Variants in BRF1 observed in about 807,000 individuals in gnomAD.
BRF1 encodes transcription factor IIIB 90 kDa subunit.
BRF1 carries 59 observed loss-of-function variants against 81.7 expected under a neutral mutation model. That is an observed-to-expected ratio of 0.72 (90% CI 0.59 to 0.90). The LOEUF (loss-of-function observed/expected upper bound fraction) is 0.90, where lower values mean the gene tolerates loss of function less well. Among genes scored for constraint, BRF1 ranks in the 40% least tolerant of loss-of-function variants. BRF1 has a pLI of 0.00. For synonymous variants in BRF1, 491 were observed against 395.6 expected, an observed-to-expected ratio of 1.24 and a Z score of -2.86; for missense variants, 1,050 against 936.3, an observed-to-expected ratio of 1.12 and a Z score of -1.58.
Position 105,221,641 on chromosome 14 carries a change from A to T in BRF1, c.1315+7T>A, listed in dbSNP as rs776656793. The T allele has an allele frequency of 1.8e-4, 287 of 1,607,870 alleles. 12 individuals are homozygous for T. The South Asian group carries it at 3.1e-3, about 18-fold the overall frequency. On this transcript the variant is annotated splice_region_variant and intron_variant, in intron 11 of 17. Transcript: ENST00000547530. ...TCAGCGTCCCCCAGGGCCCCATCAG[A>T]ACTCACTGGGGTCGCTGCTCTGAGA...
At chr14:105,266,080 C>A (rs924496788) in intron 3 of BRF1, among the ~76,000 whole-genome samples, 8 of 151,476 alleles carry the variant, frequency 5.3e-5, no homozygotes, top group African/African-American at 1.9e-4. Context: ...CAAAAAAAAA[C>A]AAAACAAACA....
chr14:105,292,748 C>A (rs958639639), intron 1 of BRF1, among the ~76,000 whole-genome samples: 2 of 152,150 alleles, frequency 1.3e-5, no homozygotes, highest in South Asian at 4.1e-4. Flanking sequence ...GGGCCAAGCA[C>A]GGCAGCCCAC....
chr14:105,246,786 G>A (rs1384772247), intron 5 of BRF1: 1 of 981,884 alleles, frequency 1.0e-6, no homozygotes, highest in Non-Finnish European at 1.2e-6. Context: ...AAATCAAAGT[G>A]CAAAGGGTGG....
At chr14:105,247,735 T>TAC (rs928720607) in intron 5 of BRF1, 1 of 985,396 alleles carries the variant, frequency 1.0e-6, no homozygotes, top group Non-Finnish European at 1.2e-6. Flanking sequence ...AGGTTGCGTG[T>TAC]GTGTCCTCGG....
At chr14:105,305,535 C>T (rs1206283217), upstream of BRF1, among the ~76,000 whole-genome samples, 1 of 152,198 alleles carries the variant, frequency 6.6e-6, no homozygotes, top group African/African-American at 2.4e-5. Context: ...ACGGCATCTG[C>T]CAGCACCGTC....
Position 105,300,795 on chromosome 14 carries a change from G to A in BRF1, c.-166C>T, listed in dbSNP as rs1380644404. 1 of 344,886 alleles carries A rather than the reference G, an allele frequency of 2.9e-6. No individual in the cohort carries two copies. Among genetic ancestry groups the A allele is most frequent in the Non-Finnish European group, 4.4e-6 (1 of 229,578 alleles). The allele number at this position is 344,886 out of a possible 1,614,324, so 21.4% of individuals were successfully genotyped here. A position where few individuals can be genotyped will look rare whatever the true frequency, so the allele number is the denominator to read the frequency against. On this transcript the variant is annotated 5_prime_UTR_variant, in exon 1 of 18. Transcript: ENST00000547530. The stretch of plus-strand genomic sequence containing the variant: ...AGCCGCAGATTCGCCGCGCGCGCCC[G>A]GGCCGCGCCGCCCGCAACGGCCGCG...
rs1316809790 is a variant in BRF1 at position 105,212,127 on chromosome 14, CCTT to C, written c.1807_1809del (p.Lys603del). 2 of 1,612,922 alleles carry C rather than the reference CCTT, an allele frequency of 1.2e-6. No homozygotes were observed. The highest frequency in any genetic ancestry group is 1.7e-6 in the Non-Finnish European group (2 of 1,179,766). On this transcript the variant is annotated inframe_deletion, in exon 16 of 18. Coordinates refer to ENST00000547530, the MANE Select transcript of BRF1 (RefSeq NM_001519.4). ...GGACAACACACCTCTCCCGTGGCCA[CCTT>C]CTTTGCTGGCTGCGTAGACACCAGA...
chr14:105,282,833 T>C (rs1329149958), intron 2 of BRF1, among the ~76,000 whole-genome samples: 1 of 152,128 alleles, frequency 6.6e-6, no homozygotes, highest in African/African-American at 2.4e-5. Context: ...CTCGGGAGGC[T>C]GAGGCAGGAG....
chr14:105,212,170 A>T lies in BRF1; in HGVS notation c.1773-6T>A. 1 of 1,611,528 alleles carries T rather than the reference A, an allele frequency of 6.2e-7. No individual in the cohort carries two copies. The highest frequency in any genetic ancestry group is 1.1e-5 in the South Asian group (1 of 90,836). ...TAGACACCAGAGGCCTCAACCTGCAAAAGGAAGCACAGCATGGCGGCCTCA... is the reference window on the plus strand; with the variant it reads ...TAGACACCAGAGGCCTCAACCTGCATAAGGAAGCACAGCATGGCGGCCTCA... On this transcript the variant is annotated splice_polypyrimidine_tract_variant and splice_region_variant and intron_variant, in intron 15 of 17. Coordinates refer to ENST00000547530, the MANE Select transcript of BRF1 (RefSeq NM_001519.4).
chr14:105,262,800 A>G (rs2140352936), intron 3 of BRF1, among the ~76,000 whole-genome samples: 1 of 152,312 alleles, frequency 6.6e-6, no homozygotes, highest in Non-Finnish European at 1.5e-5. Flanking sequence ...CACGAGTGTA[A>G]GGTGCAGTGT....
At chr14:105,227,541 C>G (rs1893319988) in intron 7 of BRF1, 2 of 152,416 alleles carry the variant, frequency 1.3e-5, no homozygotes, top group Non-Finnish European at 1.5e-5. Flanking sequence ...GGCGGCTTCT[C>G]CACCCCTACC....
chr14:105,229,503 C>A (rs990327165), intron 6 of BRF1, among the ~76,000 whole-genome samples: 1 of 152,200 alleles, frequency 6.6e-6, no homozygotes, highest in African/African-American at 2.4e-5. Flanking sequence ...CGACCTGGGG[C>A]TCCAATTCCG....
chr14:105,289,257 C>T (rs1329079703), intron 1 of BRF1, among the ~76,000 whole-genome samples: 2 of 151,978 alleles, frequency 1.3e-5, no homozygotes, highest in African/African-American at 4.8e-5. Context: ...GCAGGCAGAT[C>T]GTTTGAGTCC....
At chr14:105,226,875 A>T in intron 7 of BRF1, 115 bp from the exon 8 acceptor site, 1 of 1,520,052 alleles carries the variant, frequency 6.6e-7, no homozygotes, top group Non-Finnish European at 8.9e-7. Context: ...TTGGGAGCCC[A>T]AGGTGGGTGG....
rs2141493059 is a variant in BRF1 at position 105,222,121 on chromosome 14, G to A, written c.1049-207C>T. 7.2e-6 allele frequency: 4 copies of A among 555,514 alleles called. No homozygotes were observed. The South Asian group carries it at 8.5e-5, about 12-fold the overall frequency. The allele number at this position is 555,514 out of a possible 1,614,324, so 34.4% of individuals were successfully genotyped here. A position where few individuals can be genotyped will look rare whatever the true frequency, so the allele number is the denominator to read the frequency against. ...CTCAAAGCAGATCACAGACCTAGGG[G>A]GAGAGTTAAAGTACAGACATTTCAG... On this transcript the variant is annotated intron_variant, in intron 10 of 17. Coordinates refer to ENST00000547530, the MANE Select transcript of BRF1 (RefSeq NM_001519.4).
Position 105,209,760 on chromosome 14 carries a change from G to C in BRF1, c.*791C>G. 1 of 583,944 alleles carries C rather than the reference G, an allele frequency of 1.7e-6. No homozygotes were observed. 36.2% of individuals were successfully genotyped at this position (583,944 alleles called of 1,614,324 possible). On this transcript the variant is annotated 3_prime_UTR_variant, in exon 18 of 18. Coordinates refer to ENST00000547530, the MANE Select transcript of BRF1 (RefSeq NM_001519.4). ...GCAGGCTATGCCCGCACTGCCTACA[G>C]AGCTATGCTCAGGACGGGTGGGCGC... is the stretch of plus-strand genomic sequence containing the variant.
At chr14:105,285,177 T>C (rs2057269302) in intron 2 of BRF1, among the ~76,000 whole-genome samples, 2 of 152,214 alleles carry the variant, frequency 1.3e-5, no homozygotes, top group Admixed American at 6.5e-5. Flanking sequence ...CTAAAATTCA[T>C]ATTGCCACTC....
At chr14:105,279,839 C>A (rs909239825) in intron 2 of BRF1, among the ~76,000 whole-genome samples, 1 of 152,212 alleles carries the variant, frequency 6.6e-6, no homozygotes, top group South Asian at 2.1e-4. Context: ...AAACTGTGGT[C>A]TATTCATCCC....
intron 3 of BRF1, among the ~76,000 whole-genome samples, chr14:105,263,234 C>CAA (rs760613469): frequency 0.013 from 1,071 of 83,476 alleles, 42 homozygotes; most frequent in African/African-American, 0.047. Context: ...AAGACTCCAT[C>CAA]AAAAAAAAAA....
Sources: gnomAD v4.1 joint callset for allele counts (sites outside exome capture counted in the v4.1 genomes callset) on GRCh38, gnomAD v4.1.1 for gene constraint, MANE v1.5 for transcripts, NCBI Gene and HGNC (gene_info 2026-07-23, HGNC 2026-07-21) for gene names.